The following CHAF1B variants were observed in gnomAD, a reference collection of about 807,000 sequenced individuals.
CHAF1B encodes CAF-1 subunit B.
CHAF1B carries 10 observed loss-of-function variants against 60.7 expected under a neutral mutation model. The observed-to-expected ratio is 0.16, with a 90% CI of 0.10 to 0.28. The LOEUF is 0.28. CHAF1B is among the 10% of genes least tolerant of loss of function. The probability of loss-of-function intolerance (pLI) is 1.00; values close to 1 mark genes in which losing one functional copy is unlikely to be tolerated. For synonymous variants in CHAF1B, 261 were observed against 266.1 expected, an observed-to-expected ratio of 0.98 and a Z score of 0.19; for missense variants, 558 against 708.4, an observed-to-expected ratio of 0.79 and a Z score of 2.41.
intron 5 of CHAF1B, among the ~76,000 whole-genome samples, chr21:36,395,605 A>T (rs905059210): frequency 2.0e-5 from 3 of 152,206 alleles, no homozygotes; most frequent in African/African-American, 7.2e-5. Context: ...CTTATAATTT[A>T]TAGGGCATTG....
rs2086090676 is a variant in CHAF1B at position 36,391,743 on chromosome 21, T to G, written c.377+75T>G. 6 of 980,928 alleles carry G rather than the reference T, an allele frequency of 6.1e-6. No individual in the cohort carries two copies. In the South Asian group the frequency reaches 7.9e-5, roughly 13 times the overall value. The allele number at this position is 980,928 out of a possible 1,614,324, so 60.8% of individuals were successfully genotyped here. ...TAAATGGAATATACCTTTTGACTTTTTTTTTCTTTTCTTTTGAGATAGGGT... is the reference window on the plus strand; with the variant it reads ...TAAATGGAATATACCTTTTGACTTTGTTTTTCTTTTCTTTTGAGATAGGGT... On this transcript the variant is annotated intron_variant, in intron 4 of 13. Coordinates refer to ENST00000314103, the MANE Select transcript of CHAF1B (RefSeq NM_005441.3).
rs1555911822 is a variant in CHAF1B, at chr21:36,389,759, ATGTGTGTGTG to A, written c.260-1759_260-1750del. On this transcript the variant is annotated intron_variant, in intron 3 of 13. Transcript: ENST00000314103. ...CATGATACCCAGAGTGCATGAAGGG[ATGTGTGTGTG>A]TGTGTGTGTGTGTGTGTGTGTGTGT... is the stretch of plus-strand genomic sequence containing the variant. Among the ~76,000 whole-genome samples, 139 of 125,892 alleles carry A rather than the reference ATGTGTGTGTG, an allele frequency of 1.1e-3. 2 individuals carry two copies. Among genetic ancestry groups the A allele is most frequent in the African/African-American group, 3.7e-3 (112 of 30,102 alleles). The allele number at this position is 125,892 out of a possible 152,430, so 82.6% of individuals were successfully genotyped here. A position where few individuals can be genotyped will look rare whatever the true frequency, so the allele number is the denominator to read the frequency against.
chr21:36,390,247 C>T (rs549211938), intron 3 of CHAF1B, among the ~76,000 whole-genome samples: 75 of 150,186 alleles, frequency 5.0e-4, no homozygotes, highest in African/African-American at 1.8e-3. Context: ...GCAGGAGAAT[C>T]GCCTGAACCC....
intron 3 of CHAF1B, among the ~76,000 whole-genome samples, chr21:36,389,790 TGTGTGTGTGTGC>T (rs2086069392): frequency 7.6e-6 from 1 of 131,132 alleles, no homozygotes; most frequent in African/African-American, 3.6e-5. Flanking sequence ...TGTGTGTGTG[TGTGTGTGTGTGC>T]GCGCGCACGC....
chr21:36,415,183 G>A (rs1295414987), intron 12 of CHAF1B, 112 bp from the exon 13 acceptor site: 2 of 665,484 alleles, frequency 3.0e-6, no homozygotes, highest in Non-Finnish European at 5.2e-6. Flanking sequence ...CAGAAGTTCA[G>A]CTGAAAATTT....
At chr21:36,413,382 C>G in intron 12 of CHAF1B, 67 bp downstream of exon 12, 4 of 1,437,458 alleles carry the variant, frequency 2.8e-6, no homozygotes, top group Non-Finnish European at 3.7e-6. Flanking sequence ...AACGCTCCCA[C>G]CCTGCTGCAG....
intron 3 of CHAF1B, among the ~76,000 whole-genome samples, chr21:36,388,611 C>T (rs144470849): frequency 0.02 from 3,058 of 151,844 alleles, 111 homozygotes; most frequent in African/African-American, 0.071. Context: ...GGATTACAGG[C>T]GCCTGCCACC....
rs538742086 is a variant in CHAF1B at position 36,410,809 on chromosome 21, C to T, written c.920-654C>T. On this transcript the variant is annotated intron_variant, in intron 10 of 13. Transcript: ENST00000314103. ...CCAAGTAGCCAGGATTACAGGTGTG[C>T]GCCACCACACCCAGCTACTTTTTTT... Among the ~76,000 whole-genome samples, 229 of 151,678 alleles carry T rather than the reference C, an allele frequency of 1.5e-3. No homozygotes were observed. The Middle Eastern group carries it at 0.017, about 11-fold the overall frequency.
chr21:36,402,383 C>A (rs148530128), intron 7 of CHAF1B, among the ~76,000 whole-genome samples: 1 of 152,202 alleles, frequency 6.6e-6, no homozygotes. Context: ...TGGTCATCTT[C>A]CCACTGTCTG....
At chr21:36,389,707 G>C (rs1246482981) in intron 3 of CHAF1B, among the ~76,000 whole-genome samples, 1 of 149,966 alleles carries the variant, frequency 6.7e-6, no homozygotes, top group Non-Finnish European at 1.5e-5. Flanking sequence ...GCAGGAGGAG[G>C]AAAAGAGACC....
rs766457791 is a variant in CHAF1B, at chr21:36,387,646, T to C, written c.175T>C (p.Leu59=). 7 of 1,614,190 alleles carry C rather than the reference T, an allele frequency of 4.3e-6. No homozygotes were observed. The South Asian group carries it at 7.7e-5, about 18-fold the overall frequency. The change falls in exon 3 of 14, where the codon TTG becomes CTG. Residue 59 remains leucine (L), a synonymous_variant. Coordinates refer to ENST00000314103, the MANE Select transcript of CHAF1B (RefSeq NM_005441.3). Reference sequence around the variant, plus strand: ...AGATGGAAAAGCCATCGTGGAATTTTTGTCCAATCTTGCTCGTCATACCAA... The same window carrying C: ...AGATGGAAAAGCCATCGTGGAATTTCTGTCCAATCTTGCTCGTCATACCAA... ...GPDGKAIVEF[L]SNLARHTKAV...
chr21:36,415,001 G>A (rs1242193001), intron 12 of CHAF1B, among the ~76,000 whole-genome samples: 2 of 152,192 alleles, frequency 1.3e-5, no homozygotes, highest in African/African-American at 4.8e-5. Flanking sequence ...ACAGCAGCCA[G>A]CAGAGTGTTC....
intron 1 of CHAF1B, 37 bp downstream of exon 1, chr21:36,385,488 T>G (rs1319714416): frequency 6.6e-6 from 1 of 151,752 alleles, no homozygotes; most frequent in African/African-American, 2.4e-5. Flanking sequence ...CCGCGGCTCT[T>G]TTGGTCGCGT....
intron 4 of CHAF1B, among the ~76,000 whole-genome samples, chr21:36,393,398 A>G (rs1473435170): frequency 6.6e-6 from 1 of 150,910 alleles, no homozygotes; most frequent in Admixed American, 6.6e-5. Context: ...AGTTTCGGCT[A>G]TACATTTTTC....
In CHAF1B at chr21:36,413,267, G is replaced by A. The variant is rs764986563; in HGVS notation, c.1445G>A (p.Arg482Gln). 22 of 1,612,598 alleles carry A rather than the reference G, an allele frequency of 1.4e-5. No individual in the cohort carries two copies. The highest frequency in any genetic ancestry group is 1.7e-5 in the Non-Finnish European group (20 of 1,179,520). The change falls in exon 12 of 14, where the codon CGG becomes CAG. Residue 482 changes from arginine (R) to glutamine (Q), a missense_variant. This residue lies in a region of CHAF1B where 233 missense variants were observed against 214.9 expected (regional missense o/e 1.08). Transcript: ENST00000314103. ...SSQNTKAHPS[R>Q]RVTLNTLQAW... is the part of the protein sequence containing the mutation. The stretch of plus-strand genomic sequence containing the variant: ...CAAAACACAAAAGCCCACCCATCCC[G>A]GAGGGTCACTCTGAACACACTGCAA...
At chr21:36,402,506 C>T (rs73902506) in intron 7 of CHAF1B, among the ~76,000 whole-genome samples, 16,567 of 152,132 alleles carry the variant, frequency 0.11, 1,075 homozygotes, top group African/African-American at 0.17. Context: ...ATAGCTTTAC[C>T]TAACAAAAAT....
intron 13 of CHAF1B, 61 bp from the exon 14 acceptor site, chr21:36,416,206 GTAAATGTC>G: frequency 1.5e-6 from 2 of 1,356,878 alleles, no homozygotes; most frequent in Non-Finnish European, 2.1e-6. Flanking sequence ...TCTGTATTCT[GTAAATGTC>G]AGCCCTTGAC....
At chr21:36,386,363 C>G (rs909656935) in intron 2 of CHAF1B, 101 bp downstream of exon 2, 2 of 1,438,716 alleles carry the variant, frequency 1.4e-6, no homozygotes, top group African/African-American at 2.8e-5. Context: ...TGGCTTACGC[C>G]TGTAATCCCA....
rs1286115615 is a variant in CHAF1B at position 36,404,757 on chromosome 21, T to A, written c.757+1906T>A. ...CTTTTTTTTTTTTTTTTTTTTTTTT[T>A]TTAAAAAGCAGAGTCTCGCTCTGTC... On this transcript the variant is annotated intron_variant, in intron 8 of 13. Transcript: ENST00000314103. 4.0e-4 allele frequency among the ~76,000 whole-genome samples: 48 copies of A among 120,340 alleles called. No homozygotes were observed. In the East Asian group the frequency reaches 9.6e-3, roughly 24 times the overall value. 78.9% of individuals were successfully genotyped at this position (120,340 alleles called of 152,430 possible). A position where few individuals can be genotyped will look rare whatever the true frequency, so the allele number is the denominator to read the frequency against.
Sources: gnomAD v4.1 joint callset for allele counts (sites outside exome capture counted in the v4.1 genomes callset) on GRCh38, gnomAD v4.1.1 for gene constraint, gnomAD v4.1.1 regional missense constraint, MANE v1.5 for transcripts, NCBI Gene and HGNC (gene_info 2026-07-23, HGNC 2026-07-21) for gene names.